Variants in OTOGL observed in about 807,000 individuals in gnomAD.
OTOGL encodes the protein otogelin like.
Under a neutral mutation model 318.5 loss-of-function variants are expected in OTOGL, and 285 were observed. The observed-to-expected ratio is 0.89, with a 90% CI of 0.81 to 0.99. OTOGL has a LOEUF of 0.99. Ranked by LOEUF, OTOGL falls within the 50% of genes least tolerant of loss-of-function variation. The probability of loss-of-function intolerance (pLI) is 0.00; values close to 1 mark genes in which losing one functional copy is unlikely to be tolerated. For missense variants in OTOGL, 2,899 were observed against 2,845.6 expected (o/e 1.02, Z -0.43); for synonymous variants, 987 against 936.5 (o/e 1.05, Z -0.99).
chr12:80,112,727 GT>G (rs1202974677), intron 1 of OTOGL, among the ~76,000 whole-genome samples: 1 of 100,596 alleles, frequency 9.9e-6, no homozygotes, highest in Non-Finnish European at 2.1e-5. Flanking sequence ...TTTTTTTGTT[GT>G]GTCTCTGCCA....
intron 1 of OTOGL, among the ~76,000 whole-genome samples, chr12:80,115,386 T>C (rs943321575): frequency 6.6e-6 from 1 of 152,122 alleles, no homozygotes; most frequent in Non-Finnish European, 1.5e-5. Flanking sequence ...TTGCTGGAGG[T>C]CCACACCAGA....
chr12:80,264,906 G>A, intron 19 of OTOGL, 95 bp from the exon 20 acceptor site: 1 of 1,241,088 alleles, frequency 8.1e-7, no homozygotes, highest in Non-Finnish European at 1.2e-6. Flanking sequence ...AAAGTAATAT[G>A]CACTACAGTG....
At chr12:80,320,291 C>A in intron 33 of OTOGL, 131 bp from the exon 34 acceptor site, 1 of 749,854 alleles carries the variant, frequency 1.3e-6, no homozygotes, top group Non-Finnish European at 1.9e-6. Flanking sequence ...TTTGTGAAAT[C>A]TTAGTTATTG....
chr12:80,259,204 A>T (rs998479915), intron 18 of OTOGL, among the ~76,000 whole-genome samples: 3 of 151,038 alleles, frequency 2.0e-5, no homozygotes, highest in Non-Finnish European at 4.4e-5. Flanking sequence ...ATATATATAA[A>T]TGCTGAGGTG....
At chr12:80,362,351 A>G (rs1449098892) in intron 52 of OTOGL, among the ~76,000 whole-genome samples, 1 of 152,138 alleles carries the variant, frequency 6.6e-6, no homozygotes, top group African/African-American at 2.4e-5. Flanking sequence ...GTCTGTTTTT[A>G]TGCTGGTACC....
chr12:80,200,191 G>GTA (rs750788032), intron 1 of OTOGL, among the ~76,000 whole-genome samples: 23 of 152,244 alleles, frequency 1.5e-4, no homozygotes, highest in Non-Finnish European at 2.9e-4. Context: ...GAAGTGACAG[G>GTA]TATACACATG....
chr12:80,108,882 G>GTA (rs1045215861), intron 1 of OTOGL, among the ~76,000 whole-genome samples: 3 of 134,276 alleles, frequency 2.2e-5, no homozygotes, highest in Non-Finnish European at 3.1e-5. Flanking sequence ...GTATATATGT[G>GTA]TATATATATG....
Position 80,236,544 on chromosome 12 carries a change from C to A in OTOGL, c.818-2307C>A, listed in dbSNP as rs140381172. ...CAGGTTGTTTAGTCACATTAAAATT[C>A]GTGTGTAAGTATTGAAATAAGTGGG... On this transcript the variant is annotated intron_variant, in intron 9 of 58. Transcript: ENST00000547103. Among the ~76,000 whole-genome samples, 3 of 152,118 alleles carry A rather than the reference C, an allele frequency of 2.0e-5. No homozygotes were observed. In the East Asian group the frequency reaches 5.8e-4, roughly 29 times the overall value.
chr12:80,198,079 G>A (rs1876205829), intron 1 of OTOGL, among the ~76,000 whole-genome samples: 4 of 152,086 alleles, frequency 2.6e-5, no homozygotes, highest in Admixed American at 2.6e-4. Context: ...GAAGATTTGT[G>A]GGAGCAGGCC....
At chr12:80,195,174 A>G (rs1565895597) in intron 1 of OTOGL, among the ~76,000 whole-genome samples, 1 of 152,212 alleles carries the variant, frequency 6.6e-6, no homozygotes, top group Non-Finnish European at 1.5e-5. Flanking sequence ...TATAAACTGA[A>G]AAGTCTCATA....
chr12:80,158,253 T>C (rs1228628237), intron 1 of OTOGL, among the ~76,000 whole-genome samples: 2 of 152,150 alleles, frequency 1.3e-5, no homozygotes, highest in East Asian at 3.9e-4. Context: ...ATATACCTTA[T>C]TCTGTGTGAC....
chr12:80,133,649 A>C (rs1001270970), intron 1 of OTOGL: 1 of 152,136 alleles, frequency 6.6e-6, no homozygotes, highest in African/African-American at 2.4e-5. Context: ...ACAATGCACA[A>C]ATGTGTGATC....
intron 11 of OTOGL, among the ~76,000 whole-genome samples, chr12:80,244,487 A>G (rs1382834567): frequency 6.7e-6 from 1 of 149,744 alleles, no homozygotes; most frequent in Non-Finnish European, 1.5e-5. Context: ...ATGTCCCTAC[A>G]AAGGACATGA....
rs371747568 is a variant in OTOGL, at chr12:80,310,622, A to G, written c.3345A>G (p.Pro1115=). 4.4e-6 allele frequency: 7 copies of G among 1,588,256 alleles called. No individual in the cohort carries two copies. Among genetic ancestry groups the G allele is most frequent in the Non-Finnish European group, 6.0e-6 (7 of 1,170,104 alleles). ...DSWALGQCES[P]DETIKPCEAH... ...AATTTTTTCAACAGTGTGAAAGTCC[A>G]GATGAAACAATTAAACCCTGTGAGG... Residue 1115 remains proline (P), a synonymous_variant, in exon 30 of 59, where the codon CCA becomes CCG. Transcript: ENST00000547103.
intron 7 of OTOGL, among the ~76,000 whole-genome samples, chr12:80,225,338 G>A (rs561627261): frequency 3.3e-5 from 5 of 151,984 alleles, no homozygotes; most frequent in African/African-American, 1.2e-4. Context: ...AGGTGTCAAC[G>A]AGATAACCTG....
chr12:80,180,980 G>A (rs917715572), intron 1 of OTOGL, among the ~76,000 whole-genome samples: 1 of 152,152 alleles, frequency 6.6e-6, no homozygotes, highest in Non-Finnish European at 1.5e-5. Context: ...TAGTTCTGGT[G>A]GTTAAGGTGA....
chr12:80,271,704 T>C lies in OTOGL; in HGVS notation c.2575T>C (p.Leu859=). 1 of 1,613,166 alleles carries C rather than the reference T, an allele frequency of 6.2e-7. No homozygotes were observed. Among genetic ancestry groups the C allele is most frequent in the East Asian group, 2.2e-5 (1 of 44,848 alleles). ...CGACTGCAGGTTTCCTGACCCTGAATTACCAGCTGGTGGTGTTAATTGTGA... is the reference window on the plus strand; with the variant it reads ...CGACTGCAGGTTTCCTGACCCTGAACTACCAGCTGGTGGTGTTAATTGTGA... The part of the protein sequence containing the change: ...YFDCRFPDPE[L]PAGGVNCETT... The change falls in exon 24 of 59, where the codon TTA becomes CTA. Residue 859 remains leucine (L), a synonymous_variant. Coordinates refer to ENST00000547103, the MANE Select transcript of OTOGL (RefSeq NM_001378609.3).
intron 1 of OTOGL, among the ~76,000 whole-genome samples, chr12:80,202,009 C>A (rs1008088564): frequency 6.6e-6 from 1 of 152,076 alleles, no homozygotes; most frequent in Non-Finnish European, 1.5e-5. Flanking sequence ...CCACTCAGTG[C>A]CAAAAAGAGC....
Position 80,209,523 on chromosome 12 carries a change from AT to A in OTOGL, c.79+15del. On this transcript the variant is annotated intron_variant, in intron 2 of 58. Transcript: ENST00000547103. ...TTTTCATTACAAGGTAAGAACTCAG[AT>A]TAAATTTTTATGTTAATTTATTGTA... 1 of 1,423,094 alleles carries A rather than the reference AT, an allele frequency of 7.0e-7. No homozygotes were observed. The highest frequency in any genetic ancestry group is 9.5e-7 in the Non-Finnish European group (1 of 1,052,826). The allele number at this position is 1,423,094 out of a possible 1,614,324, so 88.2% of individuals were successfully genotyped here.
Sources: allele counts gnomAD v4.1 joint callset (sites outside exome capture counted in the v4.1 genomes callset), GRCh38; gene constraint gnomAD v4.1.1; transcripts MANE v1.5; gene names NCBI Gene and HGNC (gene_info 2026-07-23, HGNC 2026-07-21).